Variants in ZFC3H1 observed in about 807,000 individuals in gnomAD.
ZFC3H1 encodes zinc finger C3H1-type containing.
A neutral mutation model predicts 243.7 loss-of-function variants in ZFC3H1; 71 were observed. The observed-to-expected ratio is 0.29, with a 90% CI of 0.24 to 0.36. The LOEUF is 0.36. Ranked by LOEUF, ZFC3H1 falls within the 10% of genes least tolerant of loss-of-function variation. The pLI, the probability that ZFC3H1 is intolerant of heterozygous loss-of-function variation, is 1.00. For synonymous variants in ZFC3H1, 838 were observed against 813.0 expected (o/e 1.03, Z -0.52); for missense variants, 1,966 against 2,317.1 (o/e 0.85, Z 3.11).
chr12:71,662,844 C>G (rs1226979046), intron 1 of ZFC3H1, 169 bp downstream of exon 1: 1 of 741,062 alleles, frequency 1.3e-6, no homozygotes, highest in African/African-American at 1.7e-5. Flanking sequence ...AAGAATAACG[C>G]TATAGTGTGA....
intron 5 of ZFC3H1, 151 bp from the exon 6 acceptor site, chr12:71,642,710 A>C (rs926392272): frequency 9.7e-5 from 83 of 859,174 alleles, no homozygotes; most frequent in Non-Finnish European, 1.4e-4. Flanking sequence ...AATTCAATTC[A>C]AATGATAGGT....
intron 12 of ZFC3H1, among the ~76,000 whole-genome samples, chr12:71,633,718 T>A (rs1880383995): frequency 6.6e-6 from 1 of 152,166 alleles, no homozygotes; most frequent in African/African-American, 2.4e-5. Flanking sequence ...TATTCAACGT[T>A]GGGCCAGGCA....
chr12:71,663,794 T>C lies in ZFC3H1; in HGVS notation c.-184A>G. On this transcript the variant is annotated 5_prime_UTR_variant, in exon 1 of 35. Coordinates refer to ENST00000378743, the MANE Select transcript of ZFC3H1 (RefSeq NM_144982.5). ...ACCCCAGCTCTCTCTCGCCGGACCG[T>C]CGCAACCCAGTTCCCTTTCCTAGCG... 1 of 672,698 alleles carries C rather than the reference T, an allele frequency of 1.5e-6. No individual in the cohort carries two copies. The highest frequency in any genetic ancestry group is 2.9e-5 in the Admixed American group (1 of 34,098). The allele number at this position is 672,698 out of a possible 1,614,324, so 41.7% of individuals were successfully genotyped here.
intron 9 of ZFC3H1, among the ~76,000 whole-genome samples, 196 bp downstream of exon 9, chr12:71,636,294 C>G (rs1880457767): frequency 6.6e-6 from 1 of 152,152 alleles, no homozygotes; most frequent in Non-Finnish European, 1.5e-5. Flanking sequence ...TCACCAAACT[C>G]TTACCAGTTT....
intron 2 of ZFC3H1, among the ~76,000 whole-genome samples, chr12:71,648,101 A>G (rs534089053): frequency 2.0e-5 from 3 of 152,224 alleles, no homozygotes; most frequent in East Asian, 1.9e-4. Context: ...TCAAATGAGA[A>G]GAGAATTTAT....
Position 71,663,627 on chromosome 12 carries a change from T to A in ZFC3H1, c.-17A>T. The A allele has an allele frequency of 6.2e-7, 1 of 1,603,242 alleles. No homozygotes were observed. The highest frequency in any genetic ancestry group is 8.5e-7 in the Non-Finnish European group (1 of 1,177,474). ...GGTCGCCATCCGGGGAGCAGCGCCTTCCACACAACCTTAGCCCTCCGTCCG... is the reference window on the plus strand; with the variant it reads ...GGTCGCCATCCGGGGAGCAGCGCCTACCACACAACCTTAGCCCTCCGTCCG... On this transcript the variant is annotated 5_prime_UTR_variant, in exon 1 of 35. Transcript: ENST00000378743.
At chr12:71,610,973 TTTAA>T in intron 33 of ZFC3H1, 81 bp downstream of exon 33, 1 of 1,556,798 alleles carries the variant, frequency 6.4e-7, no homozygotes, top group Non-Finnish European at 8.7e-7. Flanking sequence ...ACTTCTGTGC[TTTAA>T]TTCTTTTAAA....
At chr12:71,647,459 G>A (rs1451130428) in intron 3 of ZFC3H1, among the ~76,000 whole-genome samples, 1 of 151,978 alleles carries the variant, frequency 6.6e-6, no homozygotes, top group Non-Finnish European at 1.5e-5. Flanking sequence ...CACAAAAAAT[G>A]GAGAAAATAT....
In ZFC3H1 at chr12:71,626,364, A is replaced by C; in HGVS notation, c.4213T>G (p.Cys1405Gly). The stretch of plus-strand genomic sequence containing the variant: ...TTTGAGAACAATCTGAGGTAATGGC[A>C]CCAAATTTCTGGATTGTCTTTGTTA... Reference protein sequence around the residue: ...ENNKDNPEIWCHYLRLFSKRG... With the variant: ...ENNKDNPEIWGHYLRLFSKRG... Residue 1405 changes from cysteine (C) to glycine (G), a missense_variant, in exon 22 of 35, where the codon TGC (cysteine) becomes GGC (glycine). Physicochemically the swap from Cys to Gly is radical, Grantham distance 159. Coordinates refer to ENST00000378743, the MANE Select transcript of ZFC3H1 (RefSeq NM_144982.5). 1 of 1,614,060 alleles carries C rather than the reference A, an allele frequency of 6.2e-7. No individual in the cohort carries two copies. The highest frequency in any genetic ancestry group is 8.5e-7 in the Non-Finnish European group (1 of 1,180,008).
intron 26 of ZFC3H1, 27 bp downstream of exon 26, chr12:71,619,899 T>C: frequency 1.3e-6 from 2 of 1,560,688 alleles, no homozygotes; most frequent in Non-Finnish European, 8.7e-7. Flanking sequence ...AAAAGCATCA[T>C]ATTTAAGAAT....
intron 8 of ZFC3H1, 91 bp from the exon 9 acceptor site, chr12:71,636,745 C>T (rs1880472113): frequency 1.3e-6 from 2 of 1,554,284 alleles, no homozygotes; most frequent in Non-Finnish European, 1.7e-6. Flanking sequence ...GAATTATCCC[C>T]ACTTTGCTGA....
In ZFC3H1 at chr12:71,649,106, A is replaced by G. The variant is rs146508642; in HGVS notation, c.1016-1293T>C. Among the ~76,000 whole-genome samples the G allele has an allele frequency of 8.9e-4, 135 of 151,532 alleles. No individual in the cohort carries two copies. The East Asian group carries it at 0.018, about 20-fold the overall frequency. ...ACTCTTGTCTCAAAAAAAAAAAAAA[A>G]AAAAGAAAAGAAAAGAAAAGAATTT... On this transcript the variant is annotated intron_variant, in intron 2 of 34. Transcript: ENST00000378743.
rs770358663 is a variant in ZFC3H1, at chr12:71,632,001, C to T, written c.3331G>A (p.Gly1111Ser). 14 of 1,599,902 alleles carry T rather than the reference C, an allele frequency of 8.8e-6. No individual in the cohort carries two copies. Among genetic ancestry groups the T allele is most frequent in the Non-Finnish European group, 1.0e-5 (12 of 1,175,184 alleles). ...CCATGCAAAACCTTCTCTGTAATGCCTGTGGTGGTTTTTAAAATCAGCTGT... is the reference window on the plus strand; with the variant it reads ...CCATGCAAAACCTTCTCTGTAATGCTTGTGGTGGTTTTTAAAATCAGCTGT... ...LKQLILKTTT[G>S]ITEKVLHGQE... Residue 1111 changes from glycine (G) to serine (S), a missense_variant, in exon 15 of 35, where the codon GGC (glycine) becomes AGC (serine). By Grantham distance (56) the Gly-to-Ser change is moderately conservative. Transcript: ENST00000378743.
chr12:71,636,923 T>C lies in ZFC3H1; in HGVS notation c.1862A>G (p.Glu621Gly), dbSNP rs774923253. 3 of 1,613,988 alleles carry C rather than the reference T, an allele frequency of 1.9e-6. No homozygotes were observed. The highest frequency in any genetic ancestry group is 2.5e-6 in the Non-Finnish European group (3 of 1,179,994). ...TCGAAGCAGCATTTCTTCCTCCTCTTCCTCATCTGCAAAAGGTGGTTTTGG... is the reference window on the plus strand; with the variant it reads ...TCGAAGCAGCATTTCTTCCTCCTCTCCCTCATCTGCAAAAGGTGGTTTTGG... ...QPPKPPFADE[E>G]EEEEMLLREE... Residue 621 changes from glutamate to glycine, a missense_variant, in exon 8 of 35, where the codon GAA becomes GGA. Physicochemically the swap from Glu to Gly is moderately conservative, Grantham distance 98. Coordinates refer to ENST00000378743, the MANE Select transcript of ZFC3H1 (RefSeq NM_144982.5).
chr12:71,637,068 T>TA lies in ZFC3H1; in HGVS notation c.1726-10dup, dbSNP rs763983287. Reference sequence around the variant, plus strand: ...CTCAAAGGTGGCAGAGACTATTTTTTAAAAAAAGAAAGAATTACAACGCAA... The same window carrying TA: ...CTCAAAGGTGGCAGAGACTATTTTTTAAAAAAAAGAAAGAATTACAACGCAA... On this transcript the variant is annotated splice_polypyrimidine_tract_variant and intron_variant, in intron 7 of 34. Coordinates refer to ENST00000378743, the MANE Select transcript of ZFC3H1 (RefSeq NM_144982.5). 6.3e-6 allele frequency: 10 copies of TA among 1,596,436 alleles called. No individual in the cohort carries two copies. Among genetic ancestry groups the TA allele is most frequent in the South Asian group, 1.1e-5 (1 of 87,828 alleles).
In ZFC3H1 at chr12:71,626,357, T is replaced by C. The variant is rs1037876044; in HGVS notation, c.4220A>G (p.Tyr1407Cys). The change falls in exon 22 of 35, where the codon TAC becomes TGC. Residue 1407 changes from tyrosine to cysteine, a missense_variant. By Grantham distance (194) the Tyr-to-Cys change is radical. This residue lies in a region of ZFC3H1 where 1,383 missense variants were observed against 1,723.7 expected (regional missense o/e 0.80). Transcript: ENST00000378743. Reference protein sequence around the residue: ...NKDNPEIWCHYLRLFSKRGTK... With the variant: ...NKDNPEIWCHCLRLFSKRGTK... ...TCCTCTTTTTGAGAACAATCTGAGG[T>C]AATGGCACCAAATTTCTGGATTGTC... 7 of 1,614,042 alleles carry C rather than the reference T, an allele frequency of 4.3e-6. No homozygotes were observed. The highest frequency in any genetic ancestry group is 2.2e-5 in the South Asian group (2 of 91,072).
At chr12:71,614,121 G>C (rs1879838681) in intron 30 of ZFC3H1, among the ~76,000 whole-genome samples, 1 of 152,074 alleles carries the variant, frequency 6.6e-6, no homozygotes, top group South Asian at 2.1e-4. Context: ...TATTAACAAA[G>C]AGAGCAGCTA....
chr12:71,631,742 C>G (rs1216751728), intron 16 of ZFC3H1, 36 bp downstream of exon 16: 1 of 1,510,124 alleles, frequency 6.6e-7, no homozygotes, highest in African/African-American at 1.4e-5. Context: ...AAACAGAAAT[C>G]CTGAAATTCA....
rs1483243325 is a variant in ZFC3H1 at position 71,626,272 on chromosome 12, T to C, written c.4305A>G (p.Gln1435=). Residue 1435 remains glutamine, a synonymous_variant, in exon 22 of 35, where the codon CAA becomes CAG. Coordinates refer to ENST00000378743, the MANE Select transcript of ZFC3H1 (RefSeq NM_144982.5). ...ETAVEYAPDY[Q]SFWTFLHLES... is the part of the protein sequence containing the mutation. ...CTTTTCTACTCACAGTCCAAAAGCT[T>C]TGATAATCTGGAGCATATTCAACAG... 2 of 1,613,436 alleles carry C rather than the reference T, an allele frequency of 1.2e-6. No homozygotes were observed. The highest frequency in any genetic ancestry group is 1.3e-5 in the African/African-American group (1 of 74,848).
Sources: allele counts gnomAD v4.1 joint callset (sites outside exome capture counted in the v4.1 genomes callset), GRCh38; gene constraint gnomAD v4.1.1; regional missense constraint gnomAD v4.1.1; transcripts MANE v1.5; gene names NCBI Gene and HGNC (gene_info 2026-07-23, HGNC 2026-07-21).